C1orf116: variants seen among roughly 807,000 people sequenced by gnomAD.
The protein encoded by C1orf116 is chromosome 1 open reading frame 116.
C1orf116 carries 12 observed loss-of-function variants against 14.1 expected under a neutral mutation model. The observed-to-expected ratio is 0.85, with a 90% CI of 0.54 to 1.38. C1orf116 has a LOEUF of 1.38. Ranked by LOEUF, C1orf116 falls within the 40% of genes most tolerant of loss-of-function variation. The pLI is 0.00. For missense variants in C1orf116, 797 were observed against 747.0 expected (o/e 1.07, Z -0.78); for synonymous variants, 296 against 299.0 (o/e 0.99, Z 0.10).
chr1:207,031,972 G>A (rs1207363466), intron 1 of C1orf116, among the ~76,000 whole-genome samples: 2 of 152,196 alleles, frequency 1.3e-5, no homozygotes, highest in Admixed American at 6.5e-5. Context: ...GTTTTCCAAA[G>A]ATGAGCTGGT....
At chr1:207,032,059 T>G (rs74441312) in intron 1 of C1orf116, among the ~76,000 whole-genome samples, 1,593 of 152,290 alleles carry the variant, frequency 0.01, 11 homozygotes, top group Middle Eastern at 0.027. Flanking sequence ...CTAACACACC[T>G]GTACACAGAG....
At chr1:207,024,561 C>G (rs1682011341) in intron 3 of C1orf116, among the ~76,000 whole-genome samples, 1 of 152,238 alleles carries the variant, frequency 6.6e-6, no homozygotes, top group African/African-American at 2.4e-5. Flanking sequence ...GAGCCAACCA[C>G]CCAGCCCTCC....
intron 2 of C1orf116, 137 bp downstream of exon 2, chr1:207,027,357 G>T (rs1682110050): frequency 1.8e-6 from 2 of 1,087,124 alleles, no homozygotes; most frequent in Admixed American, 2.1e-5. Context: ...GCACCCACTG[G>T]TGTTGTGAAT....
chr1:207,028,563 C>T (rs17019578), intron 1 of C1orf116, among the ~76,000 whole-genome samples: 14,257 of 152,252 alleles, frequency 0.094, 2,150 homozygotes, highest in African/African-American at 0.32. Flanking sequence ...TTGTTGCACA[C>T]ATTCCCAATG....
Position 207,022,048 on chromosome 1 carries a change from G to T in C1orf116, c.1716C>A (p.Pro572=), listed in dbSNP as rs752758044. Residue 572 remains proline (P), a synonymous_variant, in exon 4 of 4, where the codon CCC becomes CCA. Transcript: ENST00000359470. ...GGGAGATCTTGACACTGACACAGGG[G>T]GGGCGAGGAAGCTTGTCACGGCTCT... ...QGQSRDKLPR[P]PCVSVKISPK... The T allele has an allele frequency of 6.9e-6, 11 of 1,603,252 alleles. No homozygotes were observed. Among genetic ancestry groups the T allele is most frequent in the East Asian group, 4.5e-5 (2 of 44,826 alleles).
At position 207,032,712 on chromosome 1, in the gene C1orf116, T is replaced by TA. The variant is rs1328342014; in HGVS notation, c.-216dup. On this transcript the variant is annotated 5_prime_UTR_variant, in exon 1 of 4. It removes the in-frame stop codon of an upstream open reading frame in the 5' UTR. Coordinates refer to ENST00000359470, the MANE Select transcript of C1orf116 (RefSeq NM_023938.6). ...TTGAGCTCCTCCTGACTTACCTAGATAGGTAAATGCTTCATCTGTGCTGCC... is the reference window on the plus strand; with the variant it reads ...TTGAGCTCCTCCTGACTTACCTAGATAAGGTAAATGCTTCATCTGTGCTGCC... 4 of 985,114 alleles carry TA rather than the reference T, an allele frequency of 4.1e-6. No individual in the cohort carries two copies. Among genetic ancestry groups the TA allele is most frequent in the Non-Finnish European group, 4.8e-6 (4 of 829,956 alleles). The allele number at this position is 985,114 out of a possible 1,614,324, so 61.0% of individuals were successfully genotyped here. A position where few individuals can be genotyped will look rare whatever the true frequency, so the allele number is the denominator to read the frequency against.
chr1:207,024,628 A>C (rs564937490), intron 3 of C1orf116, among the ~76,000 whole-genome samples: 1 of 152,182 alleles, frequency 6.6e-6, no homozygotes, highest in Non-Finnish European at 1.5e-5. Flanking sequence ...CCACAGGAGA[A>C]TGGGAGCTGG....
rs143027818 is a variant in C1orf116, at chr1:207,023,351, A to C, written c.413T>G (p.Ile138Ser). 1 of 1,613,936 alleles carries C rather than the reference A, an allele frequency of 6.2e-7. No homozygotes were observed. The highest frequency in any genetic ancestry group is 1.3e-5 in the African/African-American group (1 of 74,896). Reference protein sequence around the residue: ...RSGSYSLPRNIHIARSQNFRK... With the variant: ...RSGSYSLPRNSHIARSQNFRK... ...GAAGTTCTGGCTTCTGGCAATGTGG[A>C]TATTCCTAGGGAGGCTGTAGGAGCC... Residue 138 changes from isoleucine to serine, a missense_variant, in exon 4 of 4, where the codon ATC becomes AGC. Transcript: ENST00000359470.
rs138223963 is a variant in C1orf116, at chr1:207,022,551, C to G, written c.1213G>C (p.Ala405Pro). The G allele has an allele frequency of 8.1e-6, 13 of 1,614,094 alleles. No homozygotes were observed. The highest frequency in any genetic ancestry group is 9.3e-6 in the Non-Finnish European group (11 of 1,179,974). The change falls in exon 4 of 4, where the codon GCT becomes CCT. Residue 405 changes from alanine to proline, a missense_variant. Ala to Pro is a conservative substitution (Grantham distance 27, BLOSUM62 -1). Transcript: ENST00000359470. ...GCTTGAGCCAGAGCCTTCCCAGCAGCAGGAATAGCTGCTGAGGCCTGGGCT... is the reference window on the plus strand; with the variant it reads ...GCTTGAGCCAGAGCCTTCCCAGCAGGAGGAATAGCTGCTGAGGCCTGGGCT... ...APAQASAAIP[A>P]AGKALAQAPA...
At chr1:207,026,812 T>C (rs142920851) in intron 2 of C1orf116, among the ~76,000 whole-genome samples, 17 of 152,204 alleles carry the variant, frequency 1.1e-4, no homozygotes, top group Admixed American at 5.9e-4. Context: ...CCAGAAAAAT[T>C]ACAGTTTATT....
At chr1:207,032,051 A>C (rs945614956) in intron 1 of C1orf116, among the ~76,000 whole-genome samples, 1 of 152,206 alleles carries the variant, frequency 6.6e-6, no homozygotes, top group Non-Finnish European at 1.5e-5. Flanking sequence ...GCTCATGCCT[A>C]ACACACCTGT....
intron 2 of C1orf116, 92 bp downstream of exon 2, chr1:207,027,402 C>A: frequency 6.7e-7 from 1 of 1,499,176 alleles, no homozygotes; most frequent in Non-Finnish European, 9.1e-7. Context: ...GTGCAGTGAG[C>A]CAGGATGGGT....
At chr1:207,030,905 A>G (rs1682224274) in intron 1 of C1orf116, among the ~76,000 whole-genome samples, 1 of 152,208 alleles carries the variant, frequency 6.6e-6, no homozygotes, top group African/African-American at 2.4e-5. Context: ...AATACTAAAT[A>G]CTGCCAAGCC....
chr1:207,031,107 G>T (rs1682231122), intron 1 of C1orf116, among the ~76,000 whole-genome samples: 3 of 152,180 alleles, frequency 2.0e-5, no homozygotes, highest in African/African-American at 7.2e-5. Context: ...TAGTCAAAGA[G>T]GTTTCCTGTC....
chr1:207,029,026 C>CA (rs2102304954), intron 1 of C1orf116, among the ~76,000 whole-genome samples: 1 of 152,252 alleles, frequency 6.6e-6, no homozygotes, highest in Admixed American at 6.5e-5. Flanking sequence ...GATGCCAGGG[C>CA]AGATGTCCTC....
chr1:207,032,159 G>T (rs2629678), intron 1 of C1orf116, among the ~76,000 whole-genome samples: 1 of 151,982 alleles, frequency 6.6e-6, no homozygotes, highest in African/African-American at 2.4e-5. Flanking sequence ...GTAAAGCCAC[G>T]GGAGAATTTC....
intron 1 of C1orf116, 31 bp from the exon 2 acceptor site, chr1:207,027,710 A>G: frequency 6.7e-7 from 1 of 1,498,610 alleles, no homozygotes; most frequent in Non-Finnish European, 8.9e-7. Context: ...GCCACACATG[A>G]GCCGAGGCTT....
chr1:207,030,591 C>A (rs1034506819), intron 1 of C1orf116, among the ~76,000 whole-genome samples: 1 of 152,150 alleles, frequency 6.6e-6, no homozygotes, highest in East Asian at 1.9e-4. Flanking sequence ...CAAAGCTGAG[C>A]GAGGCGCTGT....
intron 3 of C1orf116, 26 bp from the exon 4 acceptor site, chr1:207,023,506 A>G (rs751087243): frequency 6.4e-7 from 1 of 1,565,276 alleles, no homozygotes; most frequent in East Asian, 2.3e-5. Flanking sequence ...AGAACATAAA[A>G]GAGTGGACAG....
Sources: allele counts gnomAD v4.1 joint callset (sites outside exome capture counted in the v4.1 genomes callset), GRCh38; gene constraint gnomAD v4.1.1; transcripts MANE v1.5; gene names NCBI Gene and HGNC (gene_info 2026-07-23, HGNC 2026-07-21).